SNX29: variants seen among roughly 807,000 people sequenced by gnomAD.
SNX29 encodes sorting nexin-29.
SNX29 carries 78 observed loss-of-function variants against 102.1 expected under a neutral mutation model. The observed-to-expected ratio is 0.76, with a 90% confidence interval of 0.64 to 0.92. The LOEUF is 0.92. SNX29 is among the 40% of genes least tolerant of loss of function. The probability of loss-of-function intolerance (pLI) is 0.00; values close to 1 mark genes in which losing one functional copy is unlikely to be tolerated. For synonymous variants in SNX29, 580 were observed against 414.5 expected (o/e 1.40, Z -4.85); for missense variants, 1,280 against 1,061.7 (o/e 1.21, Z -2.86).
chr16:12,573,487 A>G lies in SNX29; in HGVS notation c.*4858A>G. 4.5e-6 allele frequency: 1 copy of G among 224,358 alleles called. No individual in the cohort carries two copies. The highest frequency in any genetic ancestry group is 8.9e-6 in the Non-Finnish European group (1 of 112,518). 13.9% of individuals were successfully genotyped at this position (224,358 alleles called of 1,614,324 possible). On this transcript the variant is annotated 3_prime_UTR_variant, in exon 21 of 21. Transcript: ENST00000566228. ...AGCAGCGCTGCTGGCGGAAGATTCTAGATTCACTGGTGGTTTAAGAGGCCC... is the reference window on the plus strand; with the variant it reads ...AGCAGCGCTGCTGGCGGAAGATTCTGGATTCACTGGTGGTTTAAGAGGCCC...
chr16:12,323,495 A>T (rs2081025294), intron 15 of SNX29, among the ~76,000 whole-genome samples: 1 of 149,894 alleles, frequency 6.7e-6, no homozygotes, highest in Non-Finnish European at 1.5e-5. Flanking sequence ...CTAGTCAGCC[A>T]CTGTAGTCTG....
chr16:12,291,311 A>C (rs556116811), intron 15 of SNX29, among the ~76,000 whole-genome samples: 2 of 152,204 alleles, frequency 1.3e-5, no homozygotes, highest in African/African-American at 4.8e-5. Flanking sequence ...GGAGCAAGTC[A>C]TGTCTAACAT....
chr16:12,510,681 GAA>G (rs983247672), intron 19 of SNX29, among the ~76,000 whole-genome samples: 4 of 151,728 alleles, frequency 2.6e-5, no homozygotes, highest in Admixed American at 6.6e-5. Flanking sequence ...TCAAAAAAAA[GAA>G]AACAAAACAA....
chr16:12,555,229 G>C (rs1366889067), intron 20 of SNX29, among the ~76,000 whole-genome samples: 1 of 151,838 alleles, frequency 6.6e-6, no homozygotes, highest in African/African-American at 2.4e-5. Flanking sequence ...GGTACAGGGA[G>C]AAATGGAGGT....
intron 18 of SNX29, among the ~76,000 whole-genome samples, chr16:12,414,581 C>T (rs985934575): frequency 7.2e-5 from 11 of 152,096 alleles, no homozygotes; most frequent in Admixed American, 1.3e-4. Context: ...TTCCAAGTTC[C>T]CTGGTTGTAG....
At chr16:12,176,406 A>G (rs2076261958) in intron 13 of SNX29, among the ~76,000 whole-genome samples, 1 of 152,234 alleles carries the variant, frequency 6.6e-6, no homozygotes, top group Admixed American at 6.5e-5. Context: ...TGAATGTTCC[A>G]GAAACTATGT....
At chr16:12,265,923 G>A (rs1035017311) in intron 14 of SNX29, among the ~76,000 whole-genome samples, 1 of 151,838 alleles carries the variant, frequency 6.6e-6, no homozygotes, top group African/African-American at 2.4e-5. Flanking sequence ...TTGACACTTG[G>A]CATGAGAATA....
intron 13 of SNX29, among the ~76,000 whole-genome samples, chr16:12,177,027 A>T (rs1209704416): frequency 6.6e-6 from 1 of 152,000 alleles, no homozygotes; most frequent in South Asian, 2.1e-4. Flanking sequence ...AGCTTACTGT[A>T]GCTTCCAACT....
At chr16:12,537,782 TAATA>T (rs1226128570) in intron 20 of SNX29, among the ~76,000 whole-genome samples, 14 of 150,888 alleles carry the variant, frequency 9.3e-5, no homozygotes, top group Admixed American at 2.6e-4. Flanking sequence ...CAAAAAAAAG[TAATA>T]AAATATCTCC....
chr16:12,568,675 C>G lies in SNX29; in HGVS notation c.*46C>G, dbSNP rs377679412. 17 of 1,587,488 alleles carry G rather than the reference C, an allele frequency of 1.1e-5. 2 individuals are homozygous for G. The South Asian group carries it at 1.9e-4, about 18-fold the overall frequency. ...CGGGCCCTGTGCGTGGCACCAGCTGCGTCCACCCCAGCCACTGCCGCTGGC... is the reference window on the plus strand; with the variant it reads ...CGGGCCCTGTGCGTGGCACCAGCTGGGTCCACCCCAGCCACTGCCGCTGGC... On this transcript the variant is annotated 3_prime_UTR_variant, in exon 21 of 21. Coordinates refer to ENST00000566228, the MANE Select transcript of SNX29 (RefSeq NM_032167.5).
rs1209870887 is a variant in SNX29, at chr16:12,574,164, T to A, written c.*5535T>A. ...TTTTAAACAAATGTGTTTAATTTTT[T>A]AAGATCTCTTGTATTAAAATTTTCT... is the stretch of plus-strand genomic sequence containing the variant. On this transcript the variant is annotated 3_prime_UTR_variant, in exon 21 of 21. Transcript: ENST00000566228. 1.1e-5 allele frequency: 2 copies of A among 180,596 alleles called. No homozygotes were observed. Among genetic ancestry groups the A allele is most frequent in the Admixed American group, 1.3e-4 (2 of 15,908 alleles). 11.2% of individuals were successfully genotyped at this position (180,596 alleles called of 1,614,324 possible). A position where few individuals can be genotyped will look rare whatever the true frequency, so the allele number is the denominator to read the frequency against.
intron 16 of SNX29, among the ~76,000 whole-genome samples, chr16:12,359,201 G>T (rs1417837969): frequency 6.6e-6 from 1 of 152,212 alleles, no homozygotes; most frequent in Admixed American, 6.5e-5. Context: ...AGGACACCCA[G>T]CTGGTGTCCG....
chr16:12,217,625 T>C (rs1336385557), intron 14 of SNX29, among the ~76,000 whole-genome samples: 1 of 152,234 alleles, frequency 6.6e-6, no homozygotes, highest in East Asian at 1.9e-4. Flanking sequence ...GTTTCAGCAG[T>C]AAGATGGCCA....
At position 12,277,394 on chromosome 16, in the gene SNX29, G is replaced by A. The variant is rs115956030; in HGVS notation, c.1679-539G>A. Among the ~76,000 whole-genome samples, 541 of 152,040 alleles carry A rather than the reference G, an allele frequency of 3.6e-3. 2 individuals carry two copies. Among genetic ancestry groups the A allele is most frequent in the Admixed American group, 0.011 (167 of 15,268 alleles). ...ATACTCCAGCCTGGGTGACAGAGGA[G>A]ACCCCATCTCAAAAAAACAAACAAA... is the stretch of plus-strand genomic sequence containing the variant. On this transcript the variant is annotated intron_variant, in intron 14 of 20. Coordinates refer to ENST00000566228, the MANE Select transcript of SNX29 (RefSeq NM_032167.5).
intron 14 of SNX29, among the ~76,000 whole-genome samples, chr16:12,219,674 C>T (rs1038498167): frequency 1.1e-4 from 16 of 152,178 alleles, no homozygotes; most frequent in African/African-American, 2.2e-4. Context: ...AAAATTCATG[C>T]GTATTTTAAC....
intron 20 of SNX29, among the ~76,000 whole-genome samples, chr16:12,544,576 T>C (rs2077499619): frequency 6.6e-6 from 1 of 152,244 alleles, no homozygotes; most frequent in Non-Finnish European, 1.5e-5. Context: ...TTCATTGTTC[T>C]GCAGGCATTT....
At chr16:12,561,258 C>T (rs118029041) in intron 20 of SNX29, 5 of 230,116 alleles carry the variant, frequency 2.2e-5, no homozygotes, top group Admixed American at 5.7e-5. Flanking sequence ...TCCCACTCCA[C>T]AGATCCAAGG....
intron 13 of SNX29, among the ~76,000 whole-genome samples, chr16:12,196,713 C>G (rs1419190847): frequency 6.6e-6 from 1 of 151,662 alleles, no homozygotes; most frequent in Non-Finnish European, 1.5e-5. Flanking sequence ...CTCCGCCTCC[C>G]AGGTTCAAGC....
intron 11 of SNX29, among the ~76,000 whole-genome samples, chr16:12,102,274 A>T (rs778476277): frequency 2.4e-4 from 37 of 152,238 alleles, no homozygotes; most frequent in Non-Finnish European, 4.3e-4. Flanking sequence ...ACCTTTGGGT[A>T]TATACCCAGT....
Sources: gnomAD v4.1 joint callset for allele counts (sites outside exome capture counted in the v4.1 genomes callset) on GRCh38, gnomAD v4.1.1 for gene constraint, MANE v1.5 for transcripts, NCBI Gene and HGNC (gene_info 2026-07-23, HGNC 2026-07-21) for gene names.